The following KRT25 variants were observed in gnomAD, a reference collection of about 807,000 sequenced individuals.
KRT25 encodes keratin 25.
KRT25 carries 37 observed loss-of-function variants against 47.6 expected under a neutral mutation model. The ratio of observed to expected loss-of-function variants is 0.78; its 90% CI spans 0.60 to 1.02. The LOEUF (loss-of-function observed/expected upper bound fraction) is 1.02. Among genes scored for constraint, KRT25 ranks in the 50% least tolerant of loss-of-function variants. The probability of loss-of-function intolerance (pLI) is 0.00; values close to 1 mark genes in which losing one functional copy is unlikely to be tolerated. For synonymous variants in KRT25, 203 were observed against 210.2 expected, an observed-to-expected ratio of 0.97 and a Z score of 0.30; for missense variants, 542 against 550.3, an observed-to-expected ratio of 0.98 and a Z score of 0.15.
intron 6 of KRT25, among the ~76,000 whole-genome samples, chr17:40,750,006 G>A (rs1484429480): frequency 1.3e-5 from 2 of 152,150 alleles, no homozygotes; most frequent in East Asian, 3.9e-4. Context: ...CTGAGCTCTA[G>A]ACATCCAGAC....
At chr17:40,754,258 A>G in intron 2 of KRT25, 128 bp downstream of exon 2, 1 of 853,826 alleles carries the variant, frequency 1.2e-6, no homozygotes, top group South Asian at 1.6e-5. Flanking sequence ...TCAAAGCATA[A>G]AAAAGTAATA....
chr17:40,755,172 T>C lies in KRT25; in HGVS notation c.100A>G (p.Asn34Asp). The change falls in exon 1 of 8, where the codon AAT (asparagine) becomes GAT (aspartate). Residue 34 changes from asparagine (N) to aspartate (D), a missense_variant. Transcript: ENST00000312150. ...CCAATCCCTGAAATGCCACAAGAAT[T>C]TCCAGTACCAAAGCTGGTTCCCCCA... ...YGGGTSFGTGNSCGISGIGSG... is the reference protein window; with the variant it reads ...YGGGTSFGTGDSCGISGIGSG... 1 of 1,614,196 alleles carries C rather than the reference T, an allele frequency of 6.2e-7. No homozygotes were observed. The highest frequency in any genetic ancestry group is 8.5e-7 in the Non-Finnish European group (1 of 1,180,040).
At position 40,755,327 on chromosome 17, in the gene KRT25, C is replaced by T; in HGVS notation, c.-56G>A. ...ATTTGTGAAAGCCAGAATGGAGTGCCTTCTTGTCTAAAAGGTTTGGTTTGC... is the reference window on the plus strand; with the variant it reads ...ATTTGTGAAAGCCAGAATGGAGTGCTTTCTTGTCTAAAAGGTTTGGTTTGC... On this transcript the variant is annotated 5_prime_UTR_variant, in exon 1 of 8. Coordinates refer to ENST00000312150, the MANE Select transcript of KRT25 (RefSeq NM_181534.4). 1.3e-6 allele frequency: 2 copies of T among 1,526,676 alleles called. No individual in the cohort carries two copies. 94.6% of individuals were successfully genotyped at this position (1,526,676 alleles called of 1,614,324 possible).
intron 3 of KRT25, among the ~76,000 whole-genome samples, chr17:40,753,043 C>G (rs538844862): frequency 1.3e-5 from 2 of 152,106 alleles, no homozygotes; most frequent in African/African-American, 4.8e-5. Flanking sequence ...AATAGTTTAA[C>G]TTCATGCTCA....
In KRT25 at chr17:40,748,255, A is replaced by G; in HGVS notation, c.*22T>C. On this transcript the variant is annotated 3_prime_UTR_variant, in exon 8 of 8. Transcript: ENST00000312150. ...TTTCTTCGCAGGGGCTATGTGGCAT[A>G]CGTTCTCTGTTGCATCTCAAATTAA... 1 of 1,506,856 alleles carries G rather than the reference A, an allele frequency of 6.6e-7. No homozygotes were observed. The highest frequency in any genetic ancestry group is 9.2e-7 in the Non-Finnish European group (1 of 1,087,860). The allele number at this position is 1,506,856 out of a possible 1,614,324, so 93.3% of individuals were successfully genotyped here.
At chr17:40,753,686 A>C in intron 3 of KRT25, among the ~76,000 whole-genome samples, 174 bp downstream of exon 3, 1 of 25,802 alleles carries the variant, frequency 3.9e-5, no homozygotes, top group African/African-American at 1.6e-4. Flanking sequence ...TCCGTCTCAA[A>C]AAAAAAAAAA....
rs997223183 is a variant in KRT25, at chr17:40,751,085, A to G, written c.832-6T>C. 1.2e-6 allele frequency: 2 copies of G among 1,614,160 alleles called. No homozygotes were observed. Among genetic ancestry groups the G allele is most frequent in the Non-Finnish European group, 1.7e-6 (2 of 1,180,012 alleles). On this transcript the variant is annotated splice_polypyrimidine_tract_variant and splice_region_variant and intron_variant, in intron 4 of 7. Transcript: ENST00000312150. Reference sequence around the variant, plus strand: ...TGCTGCTGCAGGGAGGCGCTCTGAAATGACATAAGTGAAGGAGCAAATCTT... The same window carrying G: ...TGCTGCTGCAGGGAGGCGCTCTGAAGTGACATAAGTGAAGGAGCAAATCTT...
Position 40,748,179 on chromosome 17 carries a change from T to C in KRT25, c.*98A>G, listed in dbSNP as rs866873176. On this transcript the variant is annotated 3_prime_UTR_variant, in exon 8 of 8. Coordinates refer to ENST00000312150, the MANE Select transcript of KRT25 (RefSeq NM_181534.4). ...AGAAAGTAACAGAAAGACAACAGGT[T>C]AGACATTTTTCTTAGACATGCACAT... 2.5e-5 allele frequency: 18 copies of C among 710,392 alleles called. No individual in the cohort carries two copies. The African/African-American group carries it at 3.1e-4, about 12-fold the overall frequency. The allele number at this position is 710,392 out of a possible 1,614,324, so 44.0% of individuals were successfully genotyped here.
At chr17:40,751,923 G>A (rs1597792712) in intron 3 of KRT25, among the ~76,000 whole-genome samples, 2 of 150,032 alleles carry the variant, frequency 1.3e-5, no homozygotes, top group East Asian at 2.0e-4. Context: ...TACCCCTCAG[G>A]GAAGAACATC....
chr17:40,750,850 T>G (rs954235665), intron 5 of KRT25, 104 bp downstream of exon 5: 6 of 1,410,982 alleles, frequency 4.3e-6, no homozygotes, highest in Admixed American at 4.1e-5. Context: ...TTGAGACAAT[T>G]ATAAACAAAT....
chr17:40,754,848 T>C lies in KRT25; in HGVS notation c.424A>G (p.Asn142Asp). 3 of 1,609,474 alleles carry C rather than the reference T, an allele frequency of 1.9e-6. No individual in the cohort carries two copies. The highest frequency in any genetic ancestry group is 2.5e-6 in the Non-Finnish European group (3 of 1,177,312). The stretch of plus-strand genomic sequence containing the variant: ...TGTGCAGTATGATTTCTTACCTGAT[T>C]TTTAAGGTCATCAATTATTGGGAAA... Reference protein sequence around the residue: ...RYFPIIDDLKNQIIASTTSNA... With the variant: ...RYFPIIDDLKDQIIASTTSNA... Residue 142 changes from asparagine to aspartate, a missense_variant, in exon 1 of 8, where the codon AAT (asparagine) becomes GAT (aspartate). By Grantham distance (23) the Asn-to-Asp change is conservative (BLOSUM62 1). Transcript: ENST00000312150.
Position 40,748,240 on chromosome 17 carries a change from G to C in KRT25, c.*37C>G, listed in dbSNP as rs749585330. 4.5e-6 allele frequency: 6 copies of C among 1,345,892 alleles called. No homozygotes were observed. In the African/African-American group the frequency reaches 8.8e-5, roughly 20 times the overall value. The allele number at this position is 1,345,892 out of a possible 1,614,324, so 83.4% of individuals were successfully genotyped here. A position where few individuals can be genotyped will look rare whatever the true frequency, so the allele number is the denominator to read the frequency against. On this transcript the variant is annotated 3_prime_UTR_variant, in exon 8 of 8. Coordinates refer to ENST00000312150, the MANE Select transcript of KRT25 (RefSeq NM_181534.4). ...AGATACATAATGCCTTTTCTTCGCA[G>C]GGGCTATGTGGCATACGTTCTCTGT...
rs1200776146 is a variant in KRT25 at position 40,748,267 on chromosome 17, G to T, written c.*10C>A. The stretch of plus-strand genomic sequence containing the variant: ...GGCTATGTGGCATACGTTCTCTGTT[G>T]CATCTCAAATTAATTGCTTTGAGAT... On this transcript the variant is annotated 3_prime_UTR_variant, in exon 8 of 8. Coordinates refer to ENST00000312150, the MANE Select transcript of KRT25 (RefSeq NM_181534.4). The T allele has an allele frequency of 1.3e-6, 2 of 1,565,904 alleles. No individual in the cohort carries two copies. Among genetic ancestry groups the T allele is most frequent in the South Asian group, 1.1e-5 (1 of 89,056 alleles).
chr17:40,754,497 G>T (rs773058817), intron 1 of KRT25, 29 bp from the exon 2 acceptor site: 4 of 1,555,764 alleles, frequency 2.6e-6, no homozygotes, highest in South Asian at 1.1e-5. Context: ...CTTTTATCAT[G>T]AAGTAAACCA....
intron 3 of KRT25, among the ~76,000 whole-genome samples, chr17:40,752,515 C>T (rs992463919): frequency 3.9e-5 from 6 of 152,160 alleles, no homozygotes; most frequent in Non-Finnish European, 8.8e-5. Context: ...ACTATGTCTT[C>T]CTGATCTACA....
In KRT25 at chr17:40,751,178, C is replaced by T. The variant is rs370238148; in HGVS notation, c.818G>A (p.Trp273Ter). ...GAGGAGAGTCACCTTCTCGTTGAAC[C>T]AGGCCTCCGCGTCCCTGCGGTTCTG... ...AEQNRRDAEA[W>*]FNEKSASLQQ... is the part of the protein sequence containing the mutation. The change falls in exon 4 of 8, where the codon TGG (tryptophan) becomes TAG (stop). Residue 273 changes from tryptophan to a stop codon, truncating the protein, a stop_gained. Coordinates refer to ENST00000312150, the MANE Select transcript of KRT25 (RefSeq NM_181534.4). LOFTEE classifies it high-confidence loss of function. 1 of 1,613,994 alleles carries T rather than the reference C, an allele frequency of 6.2e-7. No individual in the cohort carries two copies. Among genetic ancestry groups the T allele is most frequent in the Non-Finnish European group, 8.5e-7 (1 of 1,179,984 alleles).
At chr17:40,749,409 G>C in intron 6 of KRT25, 84 bp from the exon 7 acceptor site, 1 of 1,024,990 alleles carries the variant, frequency 9.8e-7, no homozygotes, top group Non-Finnish European at 1.5e-6. Context: ...TAGCTCTTTG[G>C]TAGTTTCAAC....
rs1234565377 is a variant in KRT25, at chr17:40,754,418, A to G, written c.480T>C (p.Asn160=). 6.2e-7 allele frequency: 1 copy of G among 1,614,110 alleles called. No individual in the cohort carries two copies. Among genetic ancestry groups the G allele is most frequent in the African/African-American group, 1.3e-5 (1 of 75,058 alleles). ...TGAAATCATCAGCTGTAAGCCTGGCATTATCGATCTGCAGAACAGCATTAG... is the reference window on the plus strand; with the variant it reads ...TGAAATCATCAGCTGTAAGCCTGGCGTTATCGATCTGCAGAACAGCATTAG... ...SNANAVLQID[N]ARLTADDFRL... The change falls in exon 2 of 8, where the codon AAT becomes AAC. Residue 160 remains asparagine, a synonymous_variant. Transcript: ENST00000312150.
At chr17:40,754,532 C>T in intron 1 of KRT25, 64 bp from the exon 2 acceptor site, 2 of 1,386,332 alleles carry the variant, frequency 1.4e-6, no homozygotes, top group Non-Finnish European at 2.1e-6. Context: ...ATGCTTATTT[C>T]TAATGCTAAA....
Sources: gnomAD v4.1 joint callset for allele counts (sites outside exome capture counted in the v4.1 genomes callset) on GRCh38, gnomAD v4.1.1 for gene constraint, MANE v1.5 for transcripts, NCBI Gene and HGNC (gene_info 2026-07-23, HGNC 2026-07-21) for gene names.